DLG2: variants seen among roughly 807,000 people sequenced by gnomAD.
DLG2 encodes disks large homolog 2.
Under a neutral mutation model 132.5 loss-of-function variants are expected in DLG2, and 45 were observed. The observed-to-expected ratio is 0.34, with a 90% confidence interval of 0.27 to 0.44. DLG2 has a LOEUF of 0.44. Ranked by LOEUF, DLG2 falls within the 20% of genes least tolerant of loss-of-function variation. The pLI is 1.00. For missense variants in DLG2, 1,045 were observed against 1,196.9 expected, an observed-to-expected ratio of 0.87 and a Z score of 1.87; for synonymous variants, 424 against 419.6, an observed-to-expected ratio of 1.01 and a Z score of -0.13.
At chr11:84,481,682 T>C (rs2099138120) in intron 7 of DLG2, among the ~76,000 whole-genome samples, 1 of 152,170 alleles carries the variant, frequency 6.6e-6, no homozygotes, top group Non-Finnish European at 1.5e-5. Flanking sequence ...TCTGGCTTTG[T>C]TTCTAGCTCT....
intron 3 of DLG2, among the ~76,000 whole-genome samples, chr11:85,585,157 C>A (rs1029814015): frequency 6.6e-6 from 1 of 152,148 alleles, no homozygotes; most frequent in Non-Finnish European, 1.5e-5. Flanking sequence ...AGTCTTTGAT[C>A]CATCTTGAGT....
chr11:84,755,734 T>C (rs2153837301), intron 6 of DLG2, among the ~76,000 whole-genome samples: 1 of 152,352 alleles, frequency 6.6e-6, no homozygotes, highest in South Asian at 2.1e-4. Context: ...AGTGTGTCTT[T>C]TACCCAGACT....
chr11:85,561,331 C>CAA (rs1162562595), intron 3 of DLG2, among the ~76,000 whole-genome samples: 303 of 12,510 alleles, frequency 0.024, 84 homozygotes, highest in Non-Finnish European at 0.032. Context: ...GACCCTATCT[C>CAA]AAAAAAAAAA....
intron 6 of DLG2, among the ~76,000 whole-genome samples, chr11:84,598,673 C>G (rs780692837): frequency 6.8e-6 from 1 of 147,428 alleles, no homozygotes; most frequent in Non-Finnish European, 1.5e-5. Context: ...TGCCTGTAAT[C>G]CCAGCACTCT....
In DLG2 at chr11:85,627,240, G is replaced by T. The variant is rs3966630; in HGVS notation, c.-282C>A. On this transcript the variant is annotated 5_prime_UTR_variant, in exon 1 of 28. The change creates a new upstream start codon in the 5' untranslated region. Transcript: ENST00000376104. ...CACCCCCTCAGTAACTCAGAATCCA[G>T]CTTGCTGTCCCTTTCATTTTTTTCT... 2.0e-5 allele frequency: 3 copies of T among 152,142 alleles called. No homozygotes were observed. Among genetic ancestry groups the T allele is most frequent in the Non-Finnish European group, 2.9e-5 (2 of 68,060 alleles). 9.4% of individuals were successfully genotyped at this position (152,142 alleles called of 1,614,324 possible).
intron 8 of DLG2, among the ~76,000 whole-genome samples, chr11:84,185,305 T>C (rs1167689573): frequency 6.6e-6 from 1 of 152,162 alleles, no homozygotes; most frequent in Non-Finnish European, 1.5e-5. Flanking sequence ...TAAGTTGGAT[T>C]CCTAGGTATT....
At chr11:84,506,406 G>A (rs1205630860) in intron 7 of DLG2, among the ~76,000 whole-genome samples, 3 of 152,140 alleles carry the variant, frequency 2.0e-5, no homozygotes, top group East Asian at 1.9e-4. Context: ...TAAAAGATAT[G>A]TGAGGACGGA....
intron 14 of DLG2, among the ~76,000 whole-genome samples, chr11:83,945,542 G>A (rs1480439571): frequency 6.6e-6 from 1 of 152,142 alleles, no homozygotes; most frequent in Non-Finnish European, 1.5e-5. Flanking sequence ...GCAAGATAGA[G>A]CCTATTATTA....
At chr11:83,801,928 T>G (rs113514124) in intron 17 of DLG2, among the ~76,000 whole-genome samples, 3,118 of 152,292 alleles carry the variant, frequency 0.02, 123 homozygotes, top group African/African-American at 0.067. Flanking sequence ...TAAAATTTAT[T>G]TGACAACCAG....
chr11:83,864,617 A>G (rs948781375), intron 16 of DLG2, among the ~76,000 whole-genome samples: 2 of 152,202 alleles, frequency 1.3e-5, no homozygotes, highest in Non-Finnish European at 2.9e-5. Flanking sequence ...AACATTTACC[A>G]GCACTGAAAG....
chr11:85,048,710 A>C (rs1213469352), intron 6 of DLG2, among the ~76,000 whole-genome samples: 2 of 152,042 alleles, frequency 1.3e-5, no homozygotes, highest in Non-Finnish European at 2.9e-5. Flanking sequence ...GGGTCCATCA[A>C]AACAATGGGA....
chr11:85,391,159 G>T (rs747815344), intron 3 of DLG2, among the ~76,000 whole-genome samples: 1 of 151,758 alleles, frequency 6.6e-6, no homozygotes, highest in Non-Finnish European at 1.5e-5. Flanking sequence ...TTATGAAAAC[G>T]TTTACATGCA....
chr11:84,186,071 T>A (rs2096270819), intron 8 of DLG2, among the ~76,000 whole-genome samples: 1 of 152,204 alleles, frequency 6.6e-6, no homozygotes, highest in African/African-American at 2.4e-5. Context: ...ACAAGTTGAC[T>A]TCCTCTTGCT....
intron 3 of DLG2, among the ~76,000 whole-genome samples, chr11:85,519,162 G>A (rs998556361): frequency 1.3e-5 from 2 of 152,154 alleles, no homozygotes; most frequent in Non-Finnish European, 2.9e-5. Context: ...ACTGCCTAAT[G>A]GAACTGTTAG....
At chr11:83,756,265 T>C (rs1022257932) in intron 18 of DLG2, among the ~76,000 whole-genome samples, 5 of 151,358 alleles carry the variant, frequency 3.3e-5, no homozygotes, top group Admixed American at 6.6e-5. Flanking sequence ...GCCACAGGTT[T>C]AATTCTGAAG....
At chr11:84,753,677 G>T (rs2066477440) in intron 6 of DLG2, among the ~76,000 whole-genome samples, 2 of 152,186 alleles carry the variant, frequency 1.3e-5, no homozygotes, top group Admixed American at 1.3e-4. Flanking sequence ...GATGGAATTT[G>T]GGAGTTATAA....
intron 10 of DLG2, among the ~76,000 whole-genome samples, chr11:84,061,590 T>C (rs1222333409): frequency 6.6e-6 from 1 of 152,216 alleles, no homozygotes; most frequent in Non-Finnish European, 1.5e-5. Flanking sequence ...AATAGTTTCA[T>C]GTATGTTGTG....
At chr11:84,375,452 T>G (rs953349757) in intron 7 of DLG2, among the ~76,000 whole-genome samples, 5 of 152,158 alleles carry the variant, frequency 3.3e-5, no homozygotes, top group Non-Finnish European at 7.4e-5. Flanking sequence ...TAATGTCATT[T>G]TATAATACAG....
intron 6 of DLG2, among the ~76,000 whole-genome samples, chr11:84,969,675 A>G (rs1385412635): frequency 1.3e-5 from 2 of 152,202 alleles, no homozygotes; most frequent in Non-Finnish European, 2.9e-5. Context: ...GCTGAAATCT[A>G]TAGTTAATCA....
Sources: allele counts gnomAD v4.1 joint callset (sites outside exome capture counted in the v4.1 genomes callset), GRCh38; gene constraint gnomAD v4.1.1; transcripts MANE v1.5; gene names NCBI Gene and HGNC (gene_info 2026-07-23, HGNC 2026-07-21).